Variants in GRIN2A observed in about 807,000 individuals in gnomAD.
GRIN2A encodes glutamate ionotropic receptor NMDA type subunit 2A.
A neutral mutation model predicts 113.4 loss-of-function variants in GRIN2A; 22 were observed. That is an observed-to-expected ratio of 0.19 (90% CI 0.14 to 0.28). The LOEUF is 0.28. Ranked by LOEUF, GRIN2A falls within the 10% of genes least tolerant of loss-of-function variation. The pLI, the probability that GRIN2A is intolerant of heterozygous loss-of-function variation, is 1.00. For missense variants in GRIN2A, 1,502 were observed against 1,887.0 expected, an observed-to-expected ratio of 0.80 and a Z score of 3.78; for synonymous variants, 827 against 738.4, an observed-to-expected ratio of 1.12 and a Z score of -1.94.
At chr16:9,986,889 C>A (rs1384665786) in intron 2 of GRIN2A, among the ~76,000 whole-genome samples, 1 of 151,994 alleles carries the variant, frequency 6.6e-6, no homozygotes, top group Non-Finnish European at 1.5e-5. Flanking sequence ...TTCTGTCCTC[C>A]AATTGTGTAG....
intron 2 of GRIN2A, chr16:10,027,442 C>T (rs2046845530): frequency 6.6e-6 from 1 of 152,324 alleles, no homozygotes. Flanking sequence ...GCCACAGCGT[C>T]ATAGGAGCCT....
intron 2 of GRIN2A, among the ~76,000 whole-genome samples, chr16:9,953,586 C>T (rs2045232993): frequency 6.6e-6 from 1 of 151,966 alleles, no homozygotes; most frequent in Non-Finnish European, 1.5e-5. Context: ...TGTCTATCTG[C>T]TGGGGGCGGT....
chr16:9,771,268 A>T, intron 11 of GRIN2A, among the ~76,000 whole-genome samples: 1 of 144,584 alleles, frequency 6.9e-6, no homozygotes, highest in African/African-American at 2.6e-5. Flanking sequence ...TAGGTTATTT[A>T]CCTTGTTTTA....
At chr16:10,053,956 T>C (rs1353158344) in intron 2 of GRIN2A, among the ~76,000 whole-genome samples, 1 of 150,832 alleles carries the variant, frequency 6.6e-6, no homozygotes, top group Non-Finnish European at 1.5e-5. Context: ...GCTGTATTAT[T>C]AGTTGGTGCA....
intron 2 of GRIN2A, among the ~76,000 whole-genome samples, chr16:9,959,658 T>C (rs1017981174): frequency 1.3e-5 from 2 of 152,220 alleles, no homozygotes; most frequent in African/African-American, 4.8e-5. Context: ...AATGGTTTTC[T>C]TGTGGTTTTA....
chr16:10,073,263 C>T (rs574186448), intron 2 of GRIN2A, among the ~76,000 whole-genome samples: 41 of 152,184 alleles, frequency 2.7e-4, no homozygotes, highest in African/African-American at 7.9e-4. Flanking sequence ...GTCAAGATCC[C>T]GTAATTCTTG....
intron 11 of GRIN2A, among the ~76,000 whole-genome samples, chr16:9,780,433 T>C (rs1901873480): frequency 6.6e-6 from 1 of 152,224 alleles, no homozygotes; most frequent in Non-Finnish European, 1.5e-5. Context: ...CATGCAGTAA[T>C]ATGTATCAAT....
At chr16:10,103,585 T>C (rs932969978) in intron 2 of GRIN2A, among the ~76,000 whole-genome samples, 5 of 152,166 alleles carry the variant, frequency 3.3e-5, no homozygotes, top group Non-Finnish European at 5.9e-5. Context: ...GCTGAAGCAA[T>C]ACCTATCTAT....
chr16:9,962,304 C>A (rs1233059604), intron 2 of GRIN2A, among the ~76,000 whole-genome samples: 7 of 152,088 alleles, frequency 4.6e-5, no homozygotes, highest in African/African-American at 1.7e-4. Context: ...GCAAAAGAAA[C>A]CACCATCAGA....
At chr16:10,086,511 G>A (rs2048087539) in intron 2 of GRIN2A, among the ~76,000 whole-genome samples, 1 of 149,360 alleles carries the variant, frequency 6.7e-6, no homozygotes, top group Admixed American at 6.9e-5. Flanking sequence ...CTGCAAGTGA[G>A]CAAATCCCGC....
At chr16:9,779,949 A>C (rs1365732686) in intron 11 of GRIN2A, among the ~76,000 whole-genome samples, 1 of 152,228 alleles carries the variant, frequency 6.6e-6, no homozygotes, top group East Asian at 1.9e-4. Flanking sequence ...TACTGACATT[A>C]AATCTGAGGT....
chr16:9,797,630 G>C (rs1391169163), intron 11 of GRIN2A, among the ~76,000 whole-genome samples: 1 of 152,198 alleles, frequency 6.6e-6, no homozygotes. Context: ...GATAAGTCTA[G>C]GAAAGAGTCT....
intron 4 of GRIN2A, among the ~76,000 whole-genome samples, chr16:9,890,551 ATTAGT>A (rs1391184902): frequency 2.6e-5 from 4 of 152,246 alleles, no homozygotes; most frequent in African/African-American, 7.2e-5. Context: ...AGTTTTTAAA[ATTAGT>A]TTATTTAAAG....
intron 2 of GRIN2A, among the ~76,000 whole-genome samples, chr16:10,158,871 C>T (rs556080093): frequency 6.6e-6 from 1 of 152,280 alleles, no homozygotes; most frequent in African/African-American, 2.4e-5. Context: ...ACGTACTAAA[C>T]GCCACTGAAT....
intron 4 of GRIN2A, among the ~76,000 whole-genome samples, chr16:9,871,784 CT>C (rs370186890): frequency 2.6e-5 from 4 of 151,610 alleles, no homozygotes; most frequent in East Asian, 1.9e-4. Context: ...CTATTAGGCA[CT>C]TTTTTTTTGG....
intron 4 of GRIN2A, among the ~76,000 whole-genome samples, chr16:9,888,650 G>T (rs1028415139): frequency 6.6e-6 from 1 of 151,480 alleles, no homozygotes; most frequent in African/African-American, 2.4e-5. Context: ...TATATTTTAT[G>T]CACCGTAGTC....
At chr16:9,772,169 C>T (rs565617097) in intron 11 of GRIN2A, among the ~76,000 whole-genome samples, 3 of 152,242 alleles carry the variant, frequency 2.0e-5, no homozygotes, top group South Asian at 4.1e-4. Context: ...AACAGCCTCC[C>T]ATGCTTTCGC....
chr16:10,111,856 T>C (rs2048621379), intron 2 of GRIN2A: 2 of 1,030,704 alleles, frequency 1.9e-6, no homozygotes. Flanking sequence ...GGGCATCATC[T>C]CCTCCCGAGA....
intron 2 of GRIN2A, among the ~76,000 whole-genome samples, chr16:10,128,231 T>C (rs1017662917): frequency 6.6e-6 from 1 of 152,218 alleles, no homozygotes; most frequent in African/African-American, 2.4e-5. Flanking sequence ...TTTTAGTCTG[T>C]ATCCTTCAGC....
Sources: allele counts gnomAD v4.1 joint callset (sites outside exome capture counted in the v4.1 genomes callset), GRCh38; gene constraint gnomAD v4.1.1; transcripts MANE v1.5; gene names NCBI Gene and HGNC (gene_info 2026-07-23, HGNC 2026-07-21).